Variants in TMPRSS15 observed in about 807,000 individuals in gnomAD.
TMPRSS15 encodes enteropeptidase.
In TMPRSS15, 128 loss-of-function variants were observed where a neutral mutation model predicts 125.3. The observed-to-expected ratio is 1.02, with a 90% confidence interval of 0.89 to 1.18. The LOEUF (loss-of-function observed/expected upper bound fraction) is 1.18. TMPRSS15 is among the 50% of genes most tolerant of loss of function. TMPRSS15 has a pLI of 0.00. For synonymous variants in TMPRSS15, 446 were observed against 423.2 expected (o/e 1.05, Z -0.66); for missense variants, 1,283 against 1,212.7 (o/e 1.06, Z -0.86).
intron 1 of TMPRSS15, among the ~76,000 whole-genome samples, chr21:18,485,571 A>G (rs1237763361): frequency 3.9e-5 from 6 of 151,914 alleles, no homozygotes; most frequent in African/African-American, 9.7e-5. Flanking sequence ...TTTTCAGATG[A>G]CTTTTCAGCA....
chr21:18,341,663 T>C (rs1382208793), intron 12 of TMPRSS15, 115 bp from the exon 13 acceptor site: 53 of 1,128,212 alleles, frequency 4.7e-5, no homozygotes, highest in Non-Finnish European at 6.9e-5. Flanking sequence ...TATTGTCACC[T>C]TGAACTATAT....
intron 1 of TMPRSS15, among the ~76,000 whole-genome samples, chr21:18,434,402 C>A (rs957022076): frequency 6.6e-6 from 1 of 151,992 alleles, no homozygotes; most frequent in South Asian, 2.1e-4. Flanking sequence ...AATCAGAGAG[C>A]TAAATATTCC....
At chr21:18,464,154 CAG>C (rs1455247932) in intron 1 of TMPRSS15, among the ~76,000 whole-genome samples, 34 of 114,658 alleles carry the variant, frequency 3.0e-4, no homozygotes, top group African/African-American at 1.2e-3. Flanking sequence ...GCCTGGGTGA[CAG>C]AGTGAGACTC....
intron 1 of TMPRSS15, among the ~76,000 whole-genome samples, chr21:18,433,000 G>C (rs1392458377): frequency 6.6e-6 from 1 of 152,124 alleles, no homozygotes; most frequent in Non-Finnish European, 1.5e-5. Flanking sequence ...TTCTCGGAAA[G>C]ATAACTTTGT....
rs114904365 is a variant in TMPRSS15, at chr21:18,357,855, A to T, written c.880+1902T>A. On this transcript the variant is annotated intron_variant, in intron 8 of 24. Transcript: ENST00000284885. ...TGTGCTAGATGCCAGTTGTAAGATA[A>T]TATTAGTTTTCTTAGAAAAAATTAG... Among the ~76,000 whole-genome samples the T allele has an allele frequency of 6.2e-3, 945 of 151,914 alleles. 13 individuals carry two copies. Among genetic ancestry groups the T allele is most frequent in the African/African-American group, 0.021 (886 of 41,524 alleles).
In TMPRSS15 at chr21:18,281,219, C is replaced by G. The variant is rs755779046; in HGVS notation, c.2489G>C (p.Arg830Thr). Residue 830 changes from arginine (R) to threonine (T), a missense_variant and splice_region_variant, in exon 22 of 25, where the codon AGA becomes ACA. Transcript: ENST00000284885. ...TGTCCACTTGGATGGCTCTAAGTTT[C>G]TCCTGAAAATTGTAATGAAGAAATA... ...LVSAAHCVYG[R>T]NLEPSKWTAI... 6.2e-7 allele frequency: 1 copy of G among 1,613,812 alleles called. No individual in the cohort carries two copies. The highest frequency in any genetic ancestry group is 1.1e-5 in the South Asian group (1 of 91,074).
rs1400163022 is a variant in TMPRSS15 at position 18,403,645 on chromosome 21, A to G, written c.-23T>C. On this transcript the variant is annotated 5_prime_UTR_variant, in exon 1 of 25. Transcript: ENST00000284885. ...CATTTTTGGTTTTGAAGGCTTGCTA[A>G]TTTAAGAACTGAAAGAGAATATAAA... The G allele has an allele frequency of 6.2e-7, 1 of 1,613,934 alleles. No individual in the cohort carries two copies. Among genetic ancestry groups the G allele is most frequent in the Non-Finnish European group, 8.5e-7 (1 of 1,179,836 alleles).
chr21:18,314,411 TG>T (rs1237774523), intron 17 of TMPRSS15, among the ~76,000 whole-genome samples: 1 of 152,134 alleles, frequency 6.6e-6, no homozygotes, highest in Non-Finnish European at 1.5e-5. Flanking sequence ...CCGGAGTAGC[TG>T]GGATTACAGG....
At position 18,357,313 on chromosome 21, in the gene TMPRSS15, A is replaced by G. The variant is rs141882142; in HGVS notation, c.880+2444T>C. Reference sequence around the variant, plus strand: ...ATTTTCATAATTATTTGAAGACTGCACTATCACTTTACACAATGTCTGTAT... The same window carrying G: ...ATTTTCATAATTATTTGAAGACTGCGCTATCACTTTACACAATGTCTGTAT... On this transcript the variant is annotated intron_variant, in intron 8 of 24. Transcript: ENST00000284885. Among the ~76,000 whole-genome samples, 494 of 152,008 alleles carry G rather than the reference A, an allele frequency of 3.2e-3. 2 individuals are homozygous for G. Among genetic ancestry groups the G allele is most frequent in the African/African-American group, 0.011 (472 of 41,544 alleles).
At chr21:18,342,817 T>C (rs1471304260) in intron 12 of TMPRSS15, among the ~76,000 whole-genome samples, 1 of 152,176 alleles carries the variant, frequency 6.6e-6, no homozygotes, top group African/African-American at 2.4e-5. Context: ...TCTGAAGCCT[T>C]TGATGATGGC....
At chr21:18,470,192 C>T (rs1214389261) in intron 1 of TMPRSS15, among the ~76,000 whole-genome samples, 1 of 152,026 alleles carries the variant, frequency 6.6e-6, no homozygotes, top group Non-Finnish European at 1.5e-5. Flanking sequence ...GCCTTGACAT[C>T]AAGAAATCTC....
chr21:18,443,639 G>T (rs981411945), intron 1 of TMPRSS15, among the ~76,000 whole-genome samples: 1 of 152,192 alleles, frequency 6.6e-6, no homozygotes, highest in African/African-American at 2.4e-5. Flanking sequence ...CAGTTGTGGT[G>T]CCAACAATAA....
At chr21:18,295,771 C>T (rs951889737) in intron 19 of TMPRSS15, among the ~76,000 whole-genome samples, 1 of 152,056 alleles carries the variant, frequency 6.6e-6, no homozygotes, top group Admixed American at 6.6e-5. Context: ...TTTCTAACAC[C>T]CCAAGGAAGT....
rs1307310993 is a variant in TMPRSS15 at position 18,383,658 on chromosome 21, G to A, written c.465C>T (p.Phe155=). The change falls in exon 4 of 25, where the codon TTC becomes TTT. Residue 155 remains phenylalanine (F), a synonymous_variant. Transcript: ENST00000284885. ...EANKSSQLVT[F]HIDLNSVDIL... is the part of the protein sequence containing the mutation. Reference sequence around the variant, plus strand: ...TATCAACGCTGTTCAAATCAATATGGAAAGTGACCAGTTGGCTGGATTTAT... The same window carrying A: ...TATCAACGCTGTTCAAATCAATATGAAAAGTGACCAGTTGGCTGGATTTAT... 1.9e-6 allele frequency: 3 copies of A among 1,613,908 alleles called. No individual in the cohort carries two copies. The highest frequency in any genetic ancestry group is 1.7e-6 in the Non-Finnish European group (2 of 1,179,930).
intron 7 of TMPRSS15, among the ~76,000 whole-genome samples, chr21:18,364,266 C>T (rs2075705781): frequency 6.6e-6 from 1 of 152,000 alleles, no homozygotes; most frequent in Non-Finnish European, 1.5e-5. Context: ...TCCCATCTAG[C>T]TATTAATAGA....
chr21:18,332,056 C>T, intron 14 of TMPRSS15, 28 bp downstream of exon 14: 1 of 1,591,462 alleles, frequency 6.3e-7, no homozygotes, highest in Non-Finnish European at 8.6e-7. Flanking sequence ...ACATTTGTTT[C>T]TGATGACCTG....
chr21:18,426,088 T>C (rs147476773), intron 1 of TMPRSS15, among the ~76,000 whole-genome samples: 516 of 152,308 alleles, frequency 3.4e-3, no homozygotes, highest in African/African-American at 0.012. Flanking sequence ...CTTCCTTTTC[T>C]TTTCCAGCTT....
rs575802803 is a variant in TMPRSS15 at position 18,270,251 on chromosome 21, T to TCTGTATATATTCTCA, written c.2905-142_2905-128dup. The TCTGTATATATTCTCA allele has an allele frequency of 3.1e-4, 246 of 792,674 alleles. 4 individuals carry two copies. In the South Asian group the frequency reaches 3.9e-3, roughly 13 times the overall value. The allele number at this position is 792,674 out of a possible 1,614,324, so 49.1% of individuals were successfully genotyped here. On this transcript the variant is annotated intron_variant, in intron 24 of 24. Transcript: ENST00000284885. ...AAAAATATGATTTAATTGCAAGTCATCTGTATATATTCTCACTTTCACTCT... is the reference window on the plus strand; with the variant it reads ...AAAAATATGATTTAATTGCAAGTCATCTGTATATATTCTCACTGTATATATTCTCACTTTCACTCT...
In TMPRSS15 at chr21:18,397,946, T is replaced by C. The variant is rs1355623696; in HGVS notation, c.277A>G (p.Ile93Val). The stretch of plus-strand genomic sequence containing the variant: ...TTGCTTGATAGAAAGATCTCATCTA[T>C]CTAGAAAAATATAAAAGATTGAATG... ...KVLAFDLQQM[I>V]DEIFLSSNLK... is the part of the protein sequence containing the mutation. Residue 93 changes from isoleucine to valine, a missense_variant and splice_region_variant, in exon 3 of 25, where the codon ATA (isoleucine) becomes GTA (valine). Ile to Val is a conservative substitution (Grantham distance 29, BLOSUM62 3). Transcript: ENST00000284885. 3 of 1,490,020 alleles carry C rather than the reference T, an allele frequency of 2.0e-6. No individual in the cohort carries two copies. In the African/African-American group the frequency reaches 4.2e-5, roughly 21 times the overall value. 92.3% of individuals were successfully genotyped at this position (1,490,020 alleles called of 1,614,324 possible).
Sources: gnomAD v4.1 joint callset for allele counts (sites outside exome capture counted in the v4.1 genomes callset) on GRCh38, gnomAD v4.1.1 for gene constraint, MANE v1.5 for transcripts, NCBI Gene and HGNC (gene_info 2026-07-23, HGNC 2026-07-21) for gene names.